The following LOC128092252 variants were observed in gnomAD, a reference collection of about 807,000 sequenced individuals.
At chr15:50,651,766 T>C in the LOC128092252 span, among the ~76,000 whole-genome samples, 1 of 152,058 alleles carries the variant, frequency 6.6e-6, no homozygotes, top group Non-Finnish European at 1.5e-5. Context: ...GGCAGTCGCC[T>C]GTAATCCCAG....
the LOC128092252 span, among the ~76,000 whole-genome samples, chr15:50,679,531 T>C: frequency 5.6e-5 from 3 of 53,336 alleles, no homozygotes; most frequent in Admixed American, 5.3e-4. Flanking sequence ...TATATATATA[T>C]ATATATATTT....
At chr15:50,660,161 T>A in the LOC128092252 span, among the ~76,000 whole-genome samples, 1 of 152,294 alleles carries the variant, frequency 6.6e-6, no homozygotes, top group South Asian at 2.1e-4. Context: ...AACATATCTT[T>A]AACAAGTAGT....
chr15:50,672,656 C>T, the LOC128092252 span, among the ~76,000 whole-genome samples: 9 of 151,624 alleles, frequency 5.9e-5, no homozygotes, highest in East Asian at 1.6e-3. Flanking sequence ...ACGCCTGTAA[C>T]CCCAGCACTT....
chr15:50,650,117 T>C, the LOC128092252 span, among the ~76,000 whole-genome samples: 1 of 134,968 alleles, frequency 7.4e-6, no homozygotes, highest in East Asian at 2.2e-4. Flanking sequence ...CACTTGAACC[T>C]GGGAGGCGCA....
At chr15:50,683,370 A>T in the LOC128092252 span, among the ~76,000 whole-genome samples, 1 of 152,098 alleles carries the variant, frequency 6.6e-6, no homozygotes, top group Non-Finnish European at 1.5e-5. Context: ...TGAATAACAT[A>T]TGGGGAACTT....
the LOC128092252 span, among the ~76,000 whole-genome samples, chr15:50,680,233 CAAAAAATATAAAAA>C: frequency 6.6e-6 from 1 of 150,830 alleles, no homozygotes; most frequent in Admixed American, 6.6e-5. Context: ...GACTCCATCT[CAAAAAATATAAAAA>C]TAAAAATAAA....
chr15:50,683,191 G>A, the LOC128092252 span, among the ~76,000 whole-genome samples: 1 of 150,704 alleles, frequency 6.6e-6, no homozygotes, highest in Non-Finnish European at 1.5e-5. Context: ...CCCTGACCCA[G>A]GTACCAAACT....
the LOC128092252 span, among the ~76,000 whole-genome samples, chr15:50,662,735 A>G: frequency 2.0e-5 from 3 of 152,198 alleles, no homozygotes; most frequent in African/African-American, 7.2e-5. Flanking sequence ...ATGGAGGAAC[A>G]CTTCAAGGAA....
At chr15:50,680,522 T>C in the LOC128092252 span, among the ~76,000 whole-genome samples, 1 of 150,876 alleles carries the variant, frequency 6.6e-6, no homozygotes, top group Non-Finnish European at 1.5e-5. Flanking sequence ...TGAGCCAAGA[T>C]CGCACCACTG....
At chr15:50,685,233 C>T in the LOC128092252 span, among the ~76,000 whole-genome samples, 1 of 152,162 alleles carries the variant, frequency 6.6e-6, no homozygotes, top group Admixed American at 6.5e-5. Flanking sequence ...GGGGCTGAGG[C>T]GGGCGGATCA....
chr15:50,665,298 G>A, the LOC128092252 span, among the ~76,000 whole-genome samples: 10 of 151,908 alleles, frequency 6.6e-5, no homozygotes, highest in East Asian at 1.8e-3. Flanking sequence ...TCAGGAGGCT[G>A]AGGCAGAACT....
At chr15:50,678,246 A>AAAAAACAAAAAC in the LOC128092252 span, among the ~76,000 whole-genome samples, 3 of 142,504 alleles carry the variant, frequency 2.1e-5, no homozygotes, top group African/African-American at 7.7e-5. Context: ...TCTCAAAAAA[A>AAAAAACAAAAAC]AAAAACAAAA....
At chr15:50,654,871 G>C in the LOC128092252 span, among the ~76,000 whole-genome samples, 1 of 148,816 alleles carries the variant, frequency 6.7e-6, no homozygotes, top group Non-Finnish European at 1.5e-5. Flanking sequence ...TGTGGCAGCA[G>C]GCACCTGTAG....
chr15:50,681,385 G>T, the LOC128092252 span, among the ~76,000 whole-genome samples: 4 of 152,090 alleles, frequency 2.6e-5, no homozygotes, highest in Non-Finnish European at 5.9e-5. Flanking sequence ...TCTTAGTCCA[G>T]AGTATCTTCC....
At chr15:50,665,325 CAGAGATTGCAGTGAGCCA>C in the LOC128092252 span, among the ~76,000 whole-genome samples, 2 of 150,772 alleles carry the variant, frequency 1.3e-5, no homozygotes, top group South Asian at 2.1e-4. Context: ...ACCCGGGAGG[CAGAGATTGCAGTGAGCCA>C]AGATCATGCC....
chr15:50,660,137 C>T, the LOC128092252 span, among the ~76,000 whole-genome samples: 15 of 152,124 alleles, frequency 9.9e-5, no homozygotes, highest in Admixed American at 4.6e-4. Flanking sequence ...AAATGTGATA[C>T]GATGTTGTAA....
the LOC128092252 span, among the ~76,000 whole-genome samples, chr15:50,679,538 A>ATATATATT: frequency 2.1e-4 from 9 of 43,898 alleles, 1 homozygote; most frequent in African/African-American, 9.7e-4. Context: ...ATATATATAT[A>ATATATATT]TTTTTTTTTT....
At chr15:50,676,224 G>T in the LOC128092252 span, among the ~76,000 whole-genome samples, 8 of 152,132 alleles carry the variant, frequency 5.3e-5, no homozygotes, top group Admixed American at 1.3e-4. Flanking sequence ...TTCCTGCCTA[G>T]ATGCTGCTAG....
the LOC128092252 span, among the ~76,000 whole-genome samples, chr15:50,652,916 CTT>C: frequency 6.6e-6 from 1 of 152,160 alleles, no homozygotes; most frequent in Non-Finnish European, 1.5e-5. Context: ...AATCCCAGCA[CTT>C]TGAGAGGCCA....
Sources: gnomAD v4.1 joint callset for allele counts (sites outside exome capture counted in the v4.1 genomes callset) on GRCh38, gnomAD v4.1.1 for gene constraint, MANE v1.5 for transcripts.